The following CDKAL1 variants were observed in gnomAD, a reference collection of about 807,000 sequenced individuals.
The protein encoded by CDKAL1 is threonylcarbamoyladenosine tRNA methylthiotransferase.
In CDKAL1, 32 loss-of-function variants were observed where a neutral mutation model predicts 68.2. The observed-to-expected ratio is 0.47, with a 90% confidence interval of 0.35 to 0.63. The LOEUF (loss-of-function observed/expected upper bound fraction) is 0.63, where lower values mean the gene tolerates loss of function less well. CDKAL1 is among the 30% of genes least tolerant of loss of function. The pLI is 0.00. For synonymous variants in CDKAL1, 234 were observed against 244.3 expected (o/e 0.96, Z 0.39); for missense variants, 606 against 696.7 (o/e 0.87, Z 1.47).
At position 21,162,818 on chromosome 6, in the gene CDKAL1, C is replaced by A. The variant is rs568454106; in HGVS notation, c.1300-35203C>A. ...TGGCATGTGTCTGTAGTCCCAGCTG[C>A]TCAGGAGGCTGAGGTGGGAGGATCA... On this transcript the variant is annotated intron_variant, in intron 13 of 15. Transcript: ENST00000274695. 3.4e-4 allele frequency among the ~76,000 whole-genome samples: 51 copies of A among 152,152 alleles called. No homozygotes were observed. In the South Asian group the frequency reaches 1.0e-2, roughly 30 times the overall value.
chr6:20,708,206 G>A (rs1771687859), intron 5 of CDKAL1, among the ~76,000 whole-genome samples: 1 of 152,146 alleles, frequency 6.6e-6, no homozygotes, highest in South Asian at 2.1e-4. Context: ...AGGAACCCAA[G>A]TCATTTAATT....
chr6:21,051,948 A>C (rs1770562884), intron 11 of CDKAL1, among the ~76,000 whole-genome samples: 1 of 152,236 alleles, frequency 6.6e-6, no homozygotes, highest in African/African-American at 2.4e-5. Flanking sequence ...TAGTTATGCA[A>C]GGAAGTTGTT....
chr6:21,186,427 C>T (rs553191864), intron 13 of CDKAL1, among the ~76,000 whole-genome samples: 1 of 152,272 alleles, frequency 6.6e-6, no homozygotes, highest in Non-Finnish European at 1.5e-5. Context: ...ATAATGATTA[C>T]TTTCTGCCTT....
chr6:21,180,044 T>C (rs1777730668), intron 13 of CDKAL1, among the ~76,000 whole-genome samples: 1 of 152,118 alleles, frequency 6.6e-6, no homozygotes, highest in Admixed American at 6.6e-5. Context: ...AATCACCAGC[T>C]TCACCATTAT....
intron 15 of CDKAL1, among the ~76,000 whole-genome samples, chr6:21,215,188 T>C (rs562837148): frequency 6.6e-6 from 1 of 152,296 alleles, no homozygotes; most frequent in South Asian, 2.1e-4. Context: ...CAACTGGGAC[T>C]CCGTGGGTGA....
chr6:21,136,249 C>G (rs992153024), intron 13 of CDKAL1, among the ~76,000 whole-genome samples: 1 of 152,180 alleles, frequency 6.6e-6, no homozygotes, highest in Non-Finnish European at 1.5e-5. Context: ...TGTAATAGGA[C>G]TCAATAGTCT....
At chr6:21,208,589 C>G (rs1315111556) in intron 15 of CDKAL1, among the ~76,000 whole-genome samples, 1 of 140,632 alleles carries the variant, frequency 7.1e-6, no homozygotes. Context: ...ATAACTGGCT[C>G]CCAAGCAGTT....
chr6:20,926,837 T>C (rs1381760815), intron 9 of CDKAL1, among the ~76,000 whole-genome samples: 3 of 151,116 alleles, frequency 2.0e-5, no homozygotes, highest in Non-Finnish European at 2.9e-5. Context: ...AAATGGAAAA[T>C]CAATTTCATA....
At chr6:20,654,038 C>T (rs985088767) in intron 5 of CDKAL1, among the ~76,000 whole-genome samples, 5 of 151,788 alleles carry the variant, frequency 3.3e-5, no homozygotes, top group African/African-American at 9.7e-5. Flanking sequence ...TGAGCCACCG[C>T]GCCTAGTCAG....
At chr6:20,609,969 C>A (rs1766546248) in intron 4 of CDKAL1, among the ~76,000 whole-genome samples, 1 of 152,066 alleles carries the variant, frequency 6.6e-6, no homozygotes, top group South Asian at 2.1e-4. Context: ...TGCGTTGTTC[C>A]CCTCTATGTG....
At chr6:20,763,743 A>C (rs149522182) in intron 7 of CDKAL1, among the ~76,000 whole-genome samples, 2 of 152,230 alleles carry the variant, frequency 1.3e-5, no homozygotes, top group East Asian at 3.9e-4. Flanking sequence ...AAAGCATTTA[A>C]CTCTATTGTA....
At chr6:21,224,520 A>G (rs919353296) in intron 15 of CDKAL1, among the ~76,000 whole-genome samples, 2 of 152,138 alleles carry the variant, frequency 1.3e-5, no homozygotes, top group Admixed American at 6.5e-5. Flanking sequence ...TCTCAAAATA[A>G]TAATAAACAA....
chr6:21,067,203 C>CT (rs976890663), intron 12 of CDKAL1, among the ~76,000 whole-genome samples: 6 of 152,096 alleles, frequency 3.9e-5, no homozygotes, highest in Non-Finnish European at 7.4e-5. Flanking sequence ...TTACTGTCCT[C>CT]TCCCCCTCCT....
At chr6:20,966,955 T>G (rs1371180585) in intron 10 of CDKAL1, among the ~76,000 whole-genome samples, 1 of 152,210 alleles carries the variant, frequency 6.6e-6, no homozygotes, top group Non-Finnish European at 1.5e-5. Context: ...GTTTATCTGT[T>G]GTAACAAAGT....
At chr6:21,205,810 C>A (rs376243915) in intron 15 of CDKAL1, among the ~76,000 whole-genome samples, 1 of 135,626 alleles carries the variant, frequency 7.4e-6, no homozygotes, top group Non-Finnish European at 1.5e-5. Flanking sequence ...GGATTACATG[C>A]GTGAGCCCCC....
At chr6:20,712,218 A>G (rs1295129359) in intron 5 of CDKAL1, among the ~76,000 whole-genome samples, 2 of 152,220 alleles carry the variant, frequency 1.3e-5, no homozygotes, top group African/African-American at 4.8e-5. Flanking sequence ...ACAGAATACA[A>G]CAGTCTGTGC....
intron 7 of CDKAL1, among the ~76,000 whole-genome samples, chr6:20,774,566 T>G (rs1467090155): frequency 6.6e-6 from 1 of 152,172 alleles, no homozygotes; most frequent in Non-Finnish European, 1.5e-5. Flanking sequence ...ACCATGAGAT[T>G]TAGAAAACAT....
At chr6:21,225,673 C>T (rs1336414606) in intron 15 of CDKAL1, among the ~76,000 whole-genome samples, 1 of 152,192 alleles carries the variant, frequency 6.6e-6, no homozygotes, top group Non-Finnish European at 1.5e-5. Context: ...GATCACATGG[C>T]TGTCTGAACC....
intron 9 of CDKAL1, among the ~76,000 whole-genome samples, chr6:20,880,697 T>A (rs1760768122): frequency 6.6e-6 from 1 of 152,192 alleles, no homozygotes; most frequent in African/African-American, 2.4e-5. Flanking sequence ...CCTCCTGAAT[T>A]CATATATAAT....
Sources: gnomAD v4.1 joint callset for allele counts (sites outside exome capture counted in the v4.1 genomes callset) on GRCh38, gnomAD v4.1.1 for gene constraint, MANE v1.5 for transcripts, NCBI Gene and HGNC (gene_info 2026-07-23, HGNC 2026-07-21) for gene names.